ARB2A: variants seen among roughly 807,000 people sequenced by gnomAD.
The protein encoded by ARB2A is cotranscriptional regulator ARB2A.
chr5:93,870,371 T>C, the ARB2A span, among the ~76,000 whole-genome samples: 9 of 152,344 alleles, frequency 5.9e-5, no homozygotes, highest in East Asian at 1.5e-3. Context: ...GCCGCTCATA[T>C]TGAGTCACCT....
chr5:93,784,349 A>G, the ARB2A span: 1 of 1,498,480 alleles, frequency 6.7e-7, no homozygotes, highest in African/African-American at 1.4e-5. Flanking sequence ...GCTCACACCC[A>G]TTCATCTCAG....
chr5:93,783,668 G>T, the ARB2A span, among the ~76,000 whole-genome samples: 141,332 of 152,238 alleles, frequency 0.93, 65,752 homozygotes, highest in East Asian at 1. Context: ...CAACTGCTTA[G>T]AATATCAGAA....
chr5:93,663,192 T>C, the ARB2A span, among the ~76,000 whole-genome samples: 268 of 152,316 alleles, frequency 1.8e-3, no homozygotes, highest in African/African-American at 5.3e-3. Flanking sequence ...ATCCCTTCTA[T>C]TTTCCTCCAG....
chr5:93,766,474 C>G, the ARB2A span, among the ~76,000 whole-genome samples: 1 of 152,132 alleles, frequency 6.6e-6, no homozygotes, highest in Non-Finnish European at 1.5e-5. Context: ...AAATGCAAAT[C>G]AAAACCACAA....
At chr5:94,067,010 C>T in the ARB2A span, among the ~76,000 whole-genome samples, 3 of 152,080 alleles carry the variant, frequency 2.0e-5, no homozygotes, top group African/African-American at 7.2e-5. Context: ...GTAGGATTTA[C>T]CTAGAAATGC....
At chr5:94,019,935 T>C in the ARB2A span, among the ~76,000 whole-genome samples, 1 of 152,202 alleles carries the variant, frequency 6.6e-6, no homozygotes, top group Non-Finnish European at 1.5e-5. Flanking sequence ...CCTCACTGAG[T>C]ACCTGTTCAT....
At chr5:94,088,055 A>G in the ARB2A span, among the ~76,000 whole-genome samples, 1 of 152,214 alleles carries the variant, frequency 6.6e-6, no homozygotes, top group Non-Finnish European at 1.5e-5. Flanking sequence ...TTTGGGACAT[A>G]TTTCTTAGGG....
chr5:93,903,652 C>T, the ARB2A span, among the ~76,000 whole-genome samples: 1 of 151,452 alleles, frequency 6.6e-6, no homozygotes, highest in Non-Finnish European at 1.5e-5. Flanking sequence ...TTCAAAGGAG[C>T]ATAACATACA....
At chr5:94,035,989 C>A in the ARB2A span, among the ~76,000 whole-genome samples, 2 of 151,400 alleles carry the variant, frequency 1.3e-5, no homozygotes, top group African/African-American at 2.4e-5. Context: ...CACATGTATC[C>A]CAGAACTTAA....
At chr5:93,987,839 C>T in the ARB2A span, among the ~76,000 whole-genome samples, 1 of 152,174 alleles carries the variant, frequency 6.6e-6, no homozygotes, top group African/African-American at 2.4e-5. Context: ...ATGTATTCAA[C>T]TAACTATTGG....
At chr5:93,833,012 C>T in the ARB2A span, among the ~76,000 whole-genome samples, 2 of 152,090 alleles carry the variant, frequency 1.3e-5, no homozygotes, top group African/African-American at 4.8e-5. Flanking sequence ...TATTATCATG[C>T]CTATGTTTAA....
the ARB2A span, among the ~76,000 whole-genome samples, chr5:93,703,294 G>A: frequency 1.3e-5 from 2 of 152,142 alleles, no homozygotes; most frequent in African/African-American, 4.8e-5. Flanking sequence ...AAGTAGTGTG[G>A]TTTGCAACTA....
chr5:93,646,364 A>G, the ARB2A span, among the ~76,000 whole-genome samples: 8 of 151,972 alleles, frequency 5.3e-5, no homozygotes, highest in Non-Finnish European at 1.0e-4. Context: ...TAACTATTGA[A>G]GTTTTAGGCC....
the ARB2A span, among the ~76,000 whole-genome samples, chr5:93,665,113 C>A: frequency 6.6e-6 from 1 of 152,160 alleles, no homozygotes; most frequent in Admixed American, 6.5e-5. Context: ...AGGCATGAGC[C>A]GCTGCACCTG....
the ARB2A span, chr5:93,866,191 A>C: frequency 2.0e-6 from 2 of 985,426 alleles, no homozygotes; most frequent in South Asian, 4.7e-5. Context: ...CAGTCTGTAC[A>C]AGAATTTCTG....
the ARB2A span, among the ~76,000 whole-genome samples, chr5:93,695,403 A>G: frequency 6.6e-6 from 1 of 152,232 alleles, no homozygotes; most frequent in African/African-American, 2.4e-5. Flanking sequence ...TCAAAAGAAG[A>G]TATTTATGCA....
the ARB2A span, among the ~76,000 whole-genome samples, chr5:93,731,040 C>A: frequency 2.0e-5 from 3 of 152,026 alleles, no homozygotes; most frequent in African/African-American, 7.2e-5. Flanking sequence ...TCCATCATAC[C>A]ACCTTATTTA....
chr5:93,945,989 T>G, the ARB2A span, among the ~76,000 whole-genome samples: 1 of 152,166 alleles, frequency 6.6e-6, no homozygotes, highest in Non-Finnish European at 1.5e-5. Context: ...ATGAAACAAA[T>G]CCTTCAAATC....
At chr5:94,029,330 G>A in the ARB2A span, among the ~76,000 whole-genome samples, 1 of 152,104 alleles carries the variant, frequency 6.6e-6, no homozygotes, top group African/African-American at 2.4e-5. Context: ...ATTTTCATGT[G>A]TAACAGTCTC....
Sources: gnomAD v4.1 joint callset for allele counts (sites outside exome capture counted in the v4.1 genomes callset) on GRCh38, gnomAD v4.1.1 for gene constraint, MANE v1.5 for transcripts, NCBI Gene and HGNC (gene_info 2026-07-23, HGNC 2026-07-21) for gene names.